Variants in ZNF609 observed in about 807,000 individuals in gnomAD.
ZNF609 encodes the protein zinc finger protein 609.
In ZNF609, 11 loss-of-function variants were observed where a neutral mutation model predicts 109.5. That is an observed-to-expected ratio of 0.10 (90% CI 0.06 to 0.17). ZNF609 has a LOEUF of 0.17. Ranked by LOEUF, ZNF609 falls within the 10% of genes least tolerant of loss-of-function variation. The pLI is 1.00. For missense variants in ZNF609, 1,559 were observed against 1,772.4 expected (o/e 0.88, Z 2.16); for synonymous variants, 646 against 662.0 (o/e 0.98, Z 0.37).
At chr15:64,518,505 T>A (rs1893846974) in intron 2 of ZNF609, among the ~76,000 whole-genome samples, 1 of 152,228 alleles carries the variant, frequency 6.6e-6, no homozygotes, top group South Asian at 2.1e-4. Context: ...TTGGATTTCA[T>A]CCTAACATCT....
At chr15:64,561,552 CTTTTT>C (rs771022478) in intron 2 of ZNF609, among the ~76,000 whole-genome samples, 1 of 129,908 alleles carries the variant, frequency 7.7e-6, no homozygotes, top group African/African-American at 2.8e-5. Flanking sequence ...TTTTCTTTTT[CTTTTT>C]TTTTTTTTTT....
At chr15:64,535,473 G>A (rs553908480) in intron 2 of ZNF609, among the ~76,000 whole-genome samples, 2 of 152,246 alleles carry the variant, frequency 1.3e-5, no homozygotes, top group South Asian at 2.1e-4. Context: ...GTTGCTGAAC[G>A]GTAGTATTCC....
chr15:64,666,899 C>T (rs763049298), intron 3 of ZNF609, among the ~76,000 whole-genome samples: 5 of 151,832 alleles, frequency 3.3e-5, no homozygotes, highest in African/African-American at 9.7e-5. Context: ...GAGGCCGAGG[C>T]GGGCGGATCA....
intron 2 of ZNF609, among the ~76,000 whole-genome samples, chr15:64,585,047 G>A (rs1199950376): frequency 1.3e-5 from 2 of 151,712 alleles, no homozygotes; most frequent in Non-Finnish European, 2.9e-5. Context: ...ATCCTGGGCC[G>A]GGTGTGGTGG....
Position 64,469,053 on chromosome 15 carries a change from A to C in ZNF609, c.-128+8215A>C, listed in dbSNP as rs1465857374. Among the ~76,000 whole-genome samples, 7 of 135,890 alleles carry C rather than the reference A, an allele frequency of 5.2e-5. No individual in the cohort carries two copies. The East Asian group carries it at 1.4e-3, about 27-fold the overall frequency. 89.1% of individuals were successfully genotyped at this position (135,890 alleles called of 152,430 possible). On this transcript the variant is annotated intron_variant, in intron 1 of 9. Coordinates refer to ENST00000326648, the MANE Select transcript of ZNF609 (RefSeq NM_015042.2). ...TCATATCTTAAAAAAAAAAAAAAAAAAAACAACACAATTCAGCCTGGCCAA... is the reference window on the plus strand; with the variant it reads ...TCATATCTTAAAAAAAAAAAAAAAACAAACAACACAATTCAGCCTGGCCAA...
intron 2 of ZNF609, among the ~76,000 whole-genome samples, chr15:64,557,027 G>A (rs1363458657): frequency 6.6e-6 from 1 of 152,068 alleles, no homozygotes; most frequent in East Asian, 1.9e-4. Flanking sequence ...ATTAAATTTA[G>A]TTCTTCTTTC....
At chr15:64,471,749 A>G (rs1893094511) in intron 1 of ZNF609, among the ~76,000 whole-genome samples, 1 of 151,640 alleles carries the variant, frequency 6.6e-6, no homozygotes. Flanking sequence ...ACGCCTGGCT[A>G]ATTTTTTATT....
At chr15:64,664,900 A>G (rs1440495148) in intron 3 of ZNF609, among the ~76,000 whole-genome samples, 1 of 152,206 alleles carries the variant, frequency 6.6e-6, no homozygotes, top group African/African-American at 2.4e-5. Context: ...TAGTAATGAG[A>G]TTCATCTTCT....
At chr15:64,535,295 C>T (rs1033164663) in intron 2 of ZNF609, among the ~76,000 whole-genome samples, 2 of 152,108 alleles carry the variant, frequency 1.3e-5, no homozygotes, top group South Asian at 2.1e-4. Flanking sequence ...AATGATTATC[C>T]TGCCTCTACC....
At chr15:64,481,632 GA>G (rs1375853467) in intron 1 of ZNF609, among the ~76,000 whole-genome samples, 1 of 151,978 alleles carries the variant, frequency 6.6e-6, no homozygotes, top group Admixed American at 6.6e-5. Context: ...ATCTTTCTAA[GA>G]AGAAGGCATT....
rs142377116 is a variant in ZNF609, at chr15:64,650,190, G to A, written c.974-20156G>A. The stretch of plus-strand genomic sequence containing the variant: ...AGGCCGAGGCCGGTGGATTTCCTGA[G>A]CTCAGTAGTTCGGGACCAGCCTGGG... On this transcript the variant is annotated intron_variant, in intron 3 of 9. Coordinates refer to ENST00000326648, the MANE Select transcript of ZNF609 (RefSeq NM_015042.2). 1.9e-4 allele frequency among the ~76,000 whole-genome samples: 28 copies of A among 151,298 alleles called. 1 individual carries two copies. The East Asian group carries it at 4.3e-3, about 23-fold the overall frequency.
intron 2 of ZNF609, among the ~76,000 whole-genome samples, chr15:64,607,238 T>C (rs181199378): frequency 9.2e-5 from 14 of 152,164 alleles, no homozygotes; most frequent in Admixed American, 3.3e-4. Context: ...TGGTGTCATA[T>C]CAAGGAATAA....
intron 1 of ZNF609, among the ~76,000 whole-genome samples, chr15:64,462,370 A>G (rs973667932): frequency 6.6e-6 from 1 of 152,120 alleles, no homozygotes; most frequent in Non-Finnish European, 1.5e-5. Context: ...GGAAGGTTCT[A>G]CTCTTAGTTG....
chr15:64,489,568 C>T (rs1893383073), intron 1 of ZNF609, among the ~76,000 whole-genome samples: 1 of 149,530 alleles, frequency 6.7e-6, no homozygotes, highest in African/African-American at 2.5e-5. Context: ...CTCGCTCTGT[C>T]ACCCAGGCTG....
chr15:64,680,646 A>G lies in ZNF609; in HGVS notation c.3946A>G (p.Ile1316Val). 1 of 1,583,262 alleles carries G rather than the reference A, an allele frequency of 6.3e-7. No homozygotes were observed. Among genetic ancestry groups the G allele is most frequent in the Non-Finnish European group, 8.6e-7 (1 of 1,163,826 alleles). ...TTTGTGTCTCTGGTTTCCTTTCCAG[A>G]TAAGTGATAAAACTTCTCAGGAGAG... ...ASHYKSKSPT[I>V]SDKTSQERDR... is the part of the protein sequence containing the mutation. The change falls in exon 8 of 10, where the codon ATA (isoleucine) becomes GTA (valine). Residue 1316 changes from isoleucine to valine, a missense_variant and splice_region_variant. Ile to Val is a conservative substitution (Grantham distance 29). Transcript: ENST00000326648.
intron 2 of ZNF609, among the ~76,000 whole-genome samples, chr15:64,622,015 C>T (rs1317533965): frequency 2.0e-5 from 3 of 152,048 alleles, no homozygotes; most frequent in Non-Finnish European, 2.9e-5. Flanking sequence ...TGTGAGCCAC[C>T]GTGCCTAGCC....
intron 2 of ZNF609, among the ~76,000 whole-genome samples, chr15:64,539,122 A>G (rs1160863446): frequency 9.0e-4 from 119 of 131,796 alleles, no homozygotes; most frequent in African/African-American, 3.0e-3. Context: ...TCCTGCCTCA[A>G]CCTCCCAAGT....
At chr15:64,627,823 G>A (rs961207705) in intron 3 of ZNF609, among the ~76,000 whole-genome samples, 15 of 150,830 alleles carry the variant, frequency 9.9e-5, no homozygotes, top group Non-Finnish European at 1.8e-4. Context: ...ATGTGCCGCC[G>A]TACTCAGCTA....
chr15:64,656,855 A>T (rs1896496006), intron 3 of ZNF609, among the ~76,000 whole-genome samples: 1 of 151,376 alleles, frequency 6.6e-6, no homozygotes, highest in Non-Finnish European at 1.5e-5. Context: ...CCATTCTCCG[A>T]CACCACCCTG....
Sources: allele counts gnomAD v4.1 joint callset (sites outside exome capture counted in the v4.1 genomes callset), GRCh38; gene constraint gnomAD v4.1.1; transcripts MANE v1.5; gene names NCBI Gene and HGNC (gene_info 2026-07-23, HGNC 2026-07-21).